Variants in APBB1IP observed in about 807,000 individuals in gnomAD.
The protein encoded by APBB1IP is amyloid beta A4 precursor protein-binding family B member 1-interacting protein.
In APBB1IP, 27 loss-of-function variants were observed where a neutral mutation model predicts 64.9. That is an observed-to-expected ratio of 0.42 (90% CI 0.31 to 0.57). The LOEUF (loss-of-function observed/expected upper bound fraction) is 0.57. Among genes scored for constraint, APBB1IP ranks in the 20% least tolerant of loss-of-function variants. The pLI, the probability that APBB1IP is intolerant of heterozygous loss-of-function variation, is 0.20. For missense variants in APBB1IP, 812 were observed against 845.5 expected, an observed-to-expected ratio of 0.96 and a Z score of 0.49; for synonymous variants, 392 against 331.0, an observed-to-expected ratio of 1.18 and a Z score of -2.00.
At chr10:26,490,427 C>G (rs1250422059) in intron 2 of APBB1IP, among the ~76,000 whole-genome samples, 1 of 152,032 alleles carries the variant, frequency 6.6e-6, no homozygotes, top group Non-Finnish European at 1.5e-5. Flanking sequence ...GAGTTTCAGA[C>G]CACCCTGGCC....
At chr10:26,511,361 A>ATT (rs1307851605) in intron 6 of APBB1IP, among the ~76,000 whole-genome samples, 1 of 152,158 alleles carries the variant, frequency 6.6e-6, no homozygotes, top group East Asian at 1.9e-4. Flanking sequence ...TAATAATAAT[A>ATT]AAGATACAGA....
chr10:26,438,956 G>A (rs1257531878), intron 2 of APBB1IP, 103 bp downstream of exon 2: 1 of 152,240 alleles, frequency 6.6e-6, no homozygotes, highest in African/African-American at 2.4e-5. Flanking sequence ...GACGCCGGGG[G>A]CAGCTCCAGG....
intron 6 of APBB1IP, among the ~76,000 whole-genome samples, chr10:26,506,390 G>T (rs1169343514): frequency 3.9e-5 from 6 of 152,034 alleles, no homozygotes; most frequent in Non-Finnish European, 5.9e-5. Context: ...GAGACTACAG[G>T]TATGCACCAC....
intron 2 of APBB1IP, among the ~76,000 whole-genome samples, chr10:26,447,232 A>G (rs4749136): frequency 0.39 from 58,691 of 151,432 alleles, 11,545 homozygotes; most frequent in South Asian, 0.5. Context: ...AAAATTAGCC[A>G]GGCATGGTGG....
chr10:26,560,821 C>A lies in APBB1IP; in HGVS notation c.1346C>A (p.Ala449Asp). 1 of 1,601,112 alleles carries A rather than the reference C, an allele frequency of 6.2e-7. No homozygotes were observed. Among genetic ancestry groups the A allele is most frequent in the South Asian group, 1.1e-5 (1 of 90,236 alleles). Residue 449 changes from alanine (A) to aspartate (D), a missense_variant, in exon 13 of 15, where the codon GCT (alanine) becomes GAT (aspartate). Coordinates refer to ENST00000376236, the MANE Select transcript of APBB1IP (RefSeq NM_019043.4). ...RWTNLGTVNA[A>D]APAQPSTGPK... ...ACAAACTTGGGGACAGTCAATGCAG[C>A]TGCACCAGCTCAGCCATCTACAGGT...
At chr10:26,522,229 A>G (rs1836411916) in intron 8 of APBB1IP, among the ~76,000 whole-genome samples, 1 of 152,168 alleles carries the variant, frequency 6.6e-6, no homozygotes, top group South Asian at 2.1e-4. Flanking sequence ...TTTTCAGAAC[A>G]GTTAGATTCA....
chr10:26,556,253 A>G (rs565871226), intron 11 of APBB1IP, among the ~76,000 whole-genome samples: 3 of 152,248 alleles, frequency 2.0e-5, no homozygotes, highest in Non-Finnish European at 4.4e-5. Context: ...AGGCTCGGTT[A>G]GGCAATAAGC....
intron 4 of APBB1IP, among the ~76,000 whole-genome samples, chr10:26,498,494 G>A (rs1050299852): frequency 6.6e-5 from 10 of 152,132 alleles, no homozygotes; most frequent in South Asian, 2.1e-4. Flanking sequence ...GGATGACAGA[G>A]CAAGACTCTG....
chr10:26,476,762 C>G (rs577676418), intron 2 of APBB1IP, among the ~76,000 whole-genome samples: 1 of 152,240 alleles, frequency 6.6e-6, no homozygotes, highest in South Asian at 2.1e-4. Flanking sequence ...TTCAACTTTT[C>G]CAATTACCCA....
intron 4 of APBB1IP, among the ~76,000 whole-genome samples, chr10:26,497,484 G>A (rs1336016595): frequency 6.6e-6 from 1 of 150,678 alleles, no homozygotes; most frequent in Non-Finnish European, 1.5e-5. Flanking sequence ...CCAGGAGGCG[G>A]AGCTTGCAGT....
chr10:26,459,392 TA>T (rs1297742928), intron 2 of APBB1IP, among the ~76,000 whole-genome samples: 1 of 152,156 alleles, frequency 6.6e-6, no homozygotes, highest in Non-Finnish European at 1.5e-5. Context: ...AGTGCCGCAA[TA>T]AACATACGTG....
intron 11 of APBB1IP, among the ~76,000 whole-genome samples, chr10:26,543,052 A>T (rs897105733): frequency 6.6e-6 from 1 of 150,728 alleles, no homozygotes; most frequent in Non-Finnish European, 1.5e-5. Flanking sequence ...CAATGTCAAC[A>T]GTGCTGCTGT....
intron 2 of APBB1IP, among the ~76,000 whole-genome samples, chr10:26,441,019 C>T (rs16926975): frequency 0.035 from 5,263 of 152,222 alleles, 302 homozygotes; most frequent in African/African-American, 0.12. Context: ...GGACCACAAT[C>T]TTTACAATTT....
intron 3 of APBB1IP, among the ~76,000 whole-genome samples, chr10:26,493,381 A>ATTG (rs1401709712): frequency 6.6e-6 from 1 of 152,214 alleles, no homozygotes; most frequent in Non-Finnish European, 1.5e-5. Context: ...TCACAAGAGT[A>ATTG]TTGATTGGGG....
intron 2 of APBB1IP, among the ~76,000 whole-genome samples, chr10:26,443,338 C>T (rs1002751101): frequency 1.3e-5 from 2 of 151,280 alleles, no homozygotes; most frequent in African/African-American, 2.4e-5. Flanking sequence ...GCAGGAGAAT[C>T]GCTTGAACCC....
chr10:26,453,832 G>C (rs530165004), intron 2 of APBB1IP, among the ~76,000 whole-genome samples: 88 of 152,266 alleles, frequency 5.8e-4, no homozygotes, highest in African/African-American at 2.0e-3. Context: ...ACGATAAATA[G>C]ATCTACCATA....
intron 8 of APBB1IP, among the ~76,000 whole-genome samples, chr10:26,526,459 G>A (rs1048017881): frequency 1.3e-5 from 2 of 152,072 alleles, no homozygotes; most frequent in African/African-American, 2.4e-5. Context: ...GGTGGCTCAC[G>A]CCTGTAATCC....
At chr10:26,549,679 A>T (rs1049215884) in intron 11 of APBB1IP, among the ~76,000 whole-genome samples, 13 of 151,300 alleles carry the variant, frequency 8.6e-5, no homozygotes, top group African/African-American at 2.9e-4. Flanking sequence ...TTCATCTTTC[A>T]TTTTATTTCT....
chr10:26,496,714 A>C (rs1836029560), intron 4 of APBB1IP, among the ~76,000 whole-genome samples: 1 of 151,960 alleles, frequency 6.6e-6, no homozygotes, highest in South Asian at 2.1e-4. Flanking sequence ...AATATTAGTA[A>C]GGAAATGTCC....
Sources: gnomAD v4.1 joint callset for allele counts (sites outside exome capture counted in the v4.1 genomes callset) on GRCh38, gnomAD v4.1.1 for gene constraint, MANE v1.5 for transcripts, NCBI Gene and HGNC (gene_info 2026-07-23, HGNC 2026-07-21) for gene names.